Variants in SLC7A1 observed in about 807,000 individuals in gnomAD.
SLC7A1 encodes solute carrier family 7 member 1.
In SLC7A1, 10 loss-of-function variants were observed where a neutral mutation model predicts 53.9. The observed-to-expected ratio is 0.19, with a 90% CI of 0.11 to 0.31. SLC7A1 has a LOEUF of 0.31. SLC7A1 is among the 10% of genes least tolerant of loss of function. The pLI is 1.00. For missense variants in SLC7A1, 525 were observed against 827.2 expected (o/e 0.63, Z 4.48); for synonymous variants, 342 against 338.7 (o/e 1.01, Z -0.11).
At chr13:29,535,069 A>G (rs1232898745) in intron 3 of SLC7A1, among the ~76,000 whole-genome samples, 1 of 152,234 alleles carries the variant, frequency 6.6e-6, no homozygotes, top group East Asian at 1.9e-4. Context: ...GGAGGATCAC[A>G]GTCAACAAAG....
intron 1 of SLC7A1, among the ~76,000 whole-genome samples, chr13:29,557,634 G>A (rs907495683): frequency 1.3e-5 from 2 of 148,150 alleles, no homozygotes. Context: ...ACTGCAAGTT[G>A]CCCTGAGTGT....
chr13:29,523,668 C>T (rs1223929370), intron 6 of SLC7A1, among the ~76,000 whole-genome samples, 180 bp from the exon 7 acceptor site: 2 of 152,224 alleles, frequency 1.3e-5, no homozygotes, highest in Non-Finnish European at 2.9e-5. Context: ...AGGGGTGGTG[C>T]TCAGGAAGAC....
rs567902611 is a variant in SLC7A1, at chr13:29,517,129, G to C, written c.1677+15C>G. ...TCTGTGTACCAGGGTTCCTTCCCTA[G>C]GCCGAGCTGCTCACCTTAAATGAGA... On this transcript the variant is annotated intron_variant, in intron 11 of 12. Transcript: ENST00000380752. 3.2e-6 allele frequency: 5 copies of C among 1,582,946 alleles called. No homozygotes were observed. The highest frequency in any genetic ancestry group is 2.7e-5 in the African/African-American group (2 of 74,278).
At chr13:29,594,922 C>G (rs1225415111) in intron 1 of SLC7A1, among the ~76,000 whole-genome samples, 1 of 152,102 alleles carries the variant, frequency 6.6e-6, no homozygotes, top group East Asian at 1.9e-4. Flanking sequence ...TCCCCACCCA[C>G]GGCTGATGAC....
chr13:29,551,042 C>T (rs1870157736), intron 2 of SLC7A1, among the ~76,000 whole-genome samples: 1 of 152,170 alleles, frequency 6.6e-6, no homozygotes, highest in Non-Finnish European at 1.5e-5. Flanking sequence ...TTTCCTCCTC[C>T]TGGAAAAATG....
chr13:29,531,999 T>G (rs575708625), intron 4 of SLC7A1, among the ~76,000 whole-genome samples: 123 of 152,318 alleles, frequency 8.1e-4, no homozygotes, highest in African/African-American at 2.7e-3. Context: ...TTTATTAAAA[T>G]GAAATCTCAC....
At chr13:29,514,956 C>A (rs1883512898) in intron 12 of SLC7A1, among the ~76,000 whole-genome samples, 2 of 152,196 alleles carry the variant, frequency 1.3e-5, no homozygotes, top group South Asian at 4.1e-4. Flanking sequence ...GGGTTTCCCG[C>A]AGGTGCTGGA....
intron 1 of SLC7A1, among the ~76,000 whole-genome samples, chr13:29,577,539 G>GGA (rs1440210882): frequency 2.0e-5 from 3 of 152,186 alleles, no homozygotes; most frequent in Admixed American, 2.0e-4. Flanking sequence ...AACACACACT[G>GGA]GAGAGAACAG....
At chr13:29,526,775 C>T (rs1239423015) in intron 5 of SLC7A1, among the ~76,000 whole-genome samples, 4 of 152,306 alleles carry the variant, frequency 2.6e-5, no homozygotes, top group Non-Finnish European at 2.9e-5. Flanking sequence ...GATGGGTGAG[C>T]GCAAAGCGAG....
chr13:29,540,066 A>G (rs1869597078), intron 2 of SLC7A1, among the ~76,000 whole-genome samples: 1 of 152,188 alleles, frequency 6.6e-6, no homozygotes, highest in Non-Finnish European at 1.5e-5. Context: ...CATTCATGCC[A>G]GGACTCCAAA....
chr13:29,546,961 G>T (rs1032587370), intron 2 of SLC7A1, among the ~76,000 whole-genome samples: 1 of 152,180 alleles, frequency 6.6e-6, no homozygotes, highest in Non-Finnish European at 1.5e-5. Context: ...GAATAAGAGC[G>T]CGGAGTGTAG....
chr13:29,539,674 A>G (rs1323248872), intron 2 of SLC7A1, among the ~76,000 whole-genome samples: 2 of 152,098 alleles, frequency 1.3e-5, no homozygotes, highest in Non-Finnish European at 2.9e-5. Context: ...CACCAAGCCC[A>G]GGGAAGTGCT....
chr13:29,520,285 TTCCTG>T (rs770696665), intron 8 of SLC7A1, among the ~76,000 whole-genome samples: 19 of 152,136 alleles, frequency 1.2e-4, no homozygotes, highest in Non-Finnish European at 2.2e-4. Flanking sequence ...GTCCCCAGCC[TTCCTG>T]AGTGTACCCC....
intron 1 of SLC7A1, among the ~76,000 whole-genome samples, chr13:29,594,206 A>G (rs1872215281): frequency 6.6e-6 from 1 of 152,282 alleles, no homozygotes; most frequent in Non-Finnish European, 1.5e-5. Context: ...AAATACAATT[A>G]GGGCATTCGG....
intron 1 of SLC7A1, among the ~76,000 whole-genome samples, chr13:29,575,513 TTA>T (rs2139174047): frequency 6.6e-6 from 1 of 152,330 alleles, no homozygotes; most frequent in Non-Finnish European, 1.5e-5. Context: ...ATTTACAAAC[TTA>T]AATAAGAGTC....
chr13:29,520,709 T>C (rs1021307458), intron 8 of SLC7A1, among the ~76,000 whole-genome samples: 1 of 152,166 alleles, frequency 6.6e-6, no homozygotes, highest in Admixed American at 6.5e-5. Context: ...TCCACAAATA[T>C]CTCTCAAGCC....
intron 1 of SLC7A1, among the ~76,000 whole-genome samples, chr13:29,559,794 C>A (rs1400479039): frequency 3.3e-5 from 5 of 151,728 alleles, no homozygotes; most frequent in Non-Finnish European, 7.4e-5. Context: ...CGGCTCACTG[C>A]AAGCTCCGCC....
At chr13:29,592,918 C>T (rs1317967113) in intron 1 of SLC7A1, among the ~76,000 whole-genome samples, 1 of 152,042 alleles carries the variant, frequency 6.6e-6, no homozygotes, top group African/African-American at 2.4e-5. Context: ...AGTCCACCAC[C>T]AGGCGGCCCA....
At chr13:29,517,514 A>C (rs1868408182) in intron 10 of SLC7A1, 59 bp downstream of exon 10, 2 of 1,425,970 alleles carry the variant, frequency 1.4e-6, no homozygotes, top group Admixed American at 3.4e-5. Flanking sequence ...CTCCAGCTCC[A>C]CTGCCTAGAA....
Sources: gnomAD v4.1 joint callset for allele counts (sites outside exome capture counted in the v4.1 genomes callset) on GRCh38, gnomAD v4.1.1 for gene constraint, MANE v1.5 for transcripts, NCBI Gene and HGNC (gene_info 2026-07-23, HGNC 2026-07-21) for gene names.